Variants in TSPEAR observed in about 807,000 individuals in gnomAD.
TSPEAR encodes the protein thrombospondin type laminin G domain and EAR repeats.
A neutral mutation model predicts 71.6 loss-of-function variants in TSPEAR; 69 were observed. That is an observed-to-expected ratio of 0.96 (90% confidence interval 0.79 to 1.18). The LOEUF (loss-of-function observed/expected upper bound fraction) is 1.18. TSPEAR is among the 50% of genes most tolerant of loss of function. The pLI is 0.00. For synonymous variants in TSPEAR, 402 were observed against 387.2 expected (o/e 1.04, Z -0.45); for missense variants, 971 against 894.9 (o/e 1.09, Z -1.09).
Position 44,705,556 on chromosome 21 carries a change from G to A in TSPEAR, c.82+5877C>T, listed in dbSNP as rs376982110. ...GAAAGAGAATGGGCACCTAGGGGTA[G>A]GTCTCTGAACTGGCCCCCCCGGGGC... On this transcript the variant is annotated intron_variant, in intron 1 of 11. Coordinates refer to ENST00000323084, the MANE Select transcript of TSPEAR (RefSeq NM_144991.3). 7.2e-5 allele frequency among the ~76,000 whole-genome samples: 11 copies of A among 152,330 alleles called. No individual in the cohort carries two copies. The South Asian group carries it at 8.3e-4, about 11-fold the overall frequency.
At chr21:44,662,887 A>G (rs781792579) in intron 1 of TSPEAR, among the ~76,000 whole-genome samples, 1 of 152,220 alleles carries the variant, frequency 6.6e-6, no homozygotes, top group Non-Finnish European at 1.5e-5. Context: ...AAGAATCACA[A>G]GAGAATTTAG....
At chr21:44,555,945 T>A (rs2053520795) in intron 2 of TSPEAR, among the ~76,000 whole-genome samples, 1 of 152,166 alleles carries the variant, frequency 6.6e-6, no homozygotes, top group Non-Finnish European at 1.5e-5. Context: ...AGACATGCCA[T>A]CGAAACTGCA....
intron 1 of TSPEAR, among the ~76,000 whole-genome samples, chr21:44,582,313 C>T (rs1336969601): frequency 6.6e-6 from 1 of 152,224 alleles, no homozygotes; most frequent in Non-Finnish European, 1.5e-5. Context: ...ACCGCGAGCT[C>T]TCACTCCTTT....
Position 44,628,003 on chromosome 21 carries a change from C to T in TSPEAR, c.83-59998G>A, listed in dbSNP as rs113691502. ...CCTTCTCTGCCGCCCTGTGTGCTCC[C>T]GCCCGGCCTGCTACAGCTTCTCCTC... On this transcript the variant is annotated intron_variant, in intron 1 of 11. Coordinates refer to ENST00000323084, the MANE Select transcript of TSPEAR (RefSeq NM_144991.3). The T allele has an allele frequency of 1.7e-3, 2,683 of 1,611,034 alleles. 4 individuals are homozygous for T. The highest frequency in any genetic ancestry group is 1.8e-3 in the Admixed American group (105 of 59,814).
chr21:44,589,022 T>A (rs1167554513), intron 1 of TSPEAR, among the ~76,000 whole-genome samples: 8 of 151,974 alleles, frequency 5.3e-5, no homozygotes, highest in Non-Finnish European at 8.8e-5. Context: ...AAGGGGGTGA[T>A]GGATAAAAAA....
At chr21:44,512,169 G>A (rs1555912797) in intron 9 of TSPEAR, among the ~76,000 whole-genome samples, 2 of 152,226 alleles carry the variant, frequency 1.3e-5, no homozygotes, top group South Asian at 2.1e-4. Context: ...GGGCTGGGGC[G>A]GGCCTACAGG....
intron 1 of TSPEAR, among the ~76,000 whole-genome samples, chr21:44,671,404 G>A (rs1303477393): frequency 1.3e-5 from 2 of 152,164 alleles, no homozygotes; most frequent in African/African-American, 4.8e-5. Context: ...AGCCTGCCTG[G>A]ACATGGTAAC....
chr21:44,701,875 C>T (rs1555951580), intron 1 of TSPEAR, among the ~76,000 whole-genome samples: 1 of 152,162 alleles, frequency 6.6e-6, no homozygotes, highest in Non-Finnish European at 1.5e-5. Context: ...AACGTGTCCC[C>T]CCTGAGCAGC....
chr21:44,561,305 G>A lies in TSPEAR; in HGVS notation c.303+6480C>T, dbSNP rs140184776. 2.6e-5 allele frequency among the ~76,000 whole-genome samples: 4 copies of A among 152,268 alleles called. No individual in the cohort carries two copies. In the East Asian group the frequency reaches 7.7e-4, roughly 29 times the overall value. ...CAGGAAGAAGTTGAATCCCTGAATAGATTATAGCAAGTTCTGAAATTGAGG... is the reference window on the plus strand; with the variant it reads ...CAGGAAGAAGTTGAATCCCTGAATAAATTATAGCAAGTTCTGAAATTGAGG... On this transcript the variant is annotated intron_variant, in intron 2 of 11. Transcript: ENST00000323084.
At chr21:44,697,070 C>G in intron 1 of TSPEAR, 1 of 1,346,696 alleles carries the variant, frequency 7.4e-7, no homozygotes, top group Non-Finnish European at 1.0e-6. Context: ...CCCAGACGCT[C>G]ACTCACTCCC....
intron 2 of TSPEAR, among the ~76,000 whole-genome samples, chr21:44,541,271 T>A (rs1555917215): frequency 6.6e-6 from 1 of 152,224 alleles, no homozygotes; most frequent in Non-Finnish European, 1.5e-5. Context: ...AATAAACTTT[T>A]TTGGAGAAAT....
At chr21:44,613,275 C>T (rs1555931728) in intron 1 of TSPEAR, among the ~76,000 whole-genome samples, 4 of 152,220 alleles carry the variant, frequency 2.6e-5, no homozygotes, top group Non-Finnish European at 4.4e-5. Flanking sequence ...CAGCCATGAC[C>T]GTTTCTAGGA....
In TSPEAR at chr21:44,698,679, C is replaced by T. The variant is rs147380968; in HGVS notation, c.82+12754G>A. On this transcript the variant is annotated intron_variant, in intron 1 of 11. Transcript: ENST00000323084. ...AGGATGGCTCGCTCCACCTGCAGCC[C>T]AGCCCCTCAGTCCTCACAGGGAGAT... 9.2e-3 allele frequency among the ~76,000 whole-genome samples: 1,403 copies of T among 152,336 alleles called. 25 individuals carry two copies. Among genetic ancestry groups the T allele is most frequent in the African/African-American group, 0.032 (1,324 of 41,570 alleles).
intron 1 of TSPEAR, among the ~76,000 whole-genome samples, chr21:44,633,126 T>G (rs1286740957): frequency 6.6e-6 from 1 of 152,206 alleles, no homozygotes; most frequent in Admixed American, 6.5e-5. Context: ...TTTTTCTCAG[T>G]CTAGTTAAAG....
rs781846804 is a variant in TSPEAR at position 44,697,368 on chromosome 21, G to C, written c.82+14065C>G. On this transcript the variant is annotated intron_variant, in intron 1 of 11. Coordinates refer to ENST00000323084, the MANE Select transcript of TSPEAR (RefSeq NM_144991.3). The stretch of plus-strand genomic sequence containing the variant: ...CTGAGCCTGGTCTGCACCCCAGTGA[G>C]CCGTGTATCCAGCCCCTGCTGCCGA... 6.2e-6 allele frequency: 10 copies of C among 1,613,348 alleles called. No homozygotes were observed. In the South Asian group the frequency reaches 7.7e-5, roughly 12 times the overall value.
Position 44,523,825 on chromosome 21 carries a change from C to G in TSPEAR, c.1337-1713G>C, listed in dbSNP as rs587619149. 4.7e-5 allele frequency among the ~76,000 whole-genome samples: 7 copies of G among 150,422 alleles called. No homozygotes were observed. In the East Asian group the frequency reaches 1.4e-3, roughly 30 times the overall value. The stretch of plus-strand genomic sequence containing the variant: ...TCAGTCAGTCAGTCAGTCAGTTAGT[C>G]AGGTAATTAGGTAGTCAGCCAGTCA... On this transcript the variant is annotated intron_variant, in intron 8 of 11. Coordinates refer to ENST00000323084, the MANE Select transcript of TSPEAR (RefSeq NM_144991.3).
At chr21:44,631,442 C>T (rs1432908415) in intron 1 of TSPEAR, among the ~76,000 whole-genome samples, 2 of 152,104 alleles carry the variant, frequency 1.3e-5, no homozygotes, top group Non-Finnish European at 2.9e-5. Context: ...AGAGGCCGAG[C>T]GTGATGGCTC....
intron 2 of TSPEAR, chr21:44,558,850 C>CTA (rs2053593049): frequency 1.7e-6 from 2 of 1,211,902 alleles, no homozygotes; most frequent in African/African-American, 3.1e-5. Context: ...GATTGTGCTG[C>CTA]CCCTGCCTGG....
Position 44,525,576 on chromosome 21 carries a change from C to G in TSPEAR, c.1336+77G>C, listed in dbSNP as rs73379217. The G allele has an allele frequency of 1.8e-3, 2,528 of 1,422,286 alleles. 33 individuals carry two copies. In the African/African-American group the frequency reaches 0.027, roughly 15 times the overall value. 88.1% of individuals were successfully genotyped at this position (1,422,286 alleles called of 1,614,324 possible). The stretch of plus-strand genomic sequence containing the variant: ...TGGCTTATTGTTTTCTAATAAGATA[C>G]ACATTCGCCCTGCCTGCAAGTCTCG... On this transcript the variant is annotated intron_variant, in intron 8 of 11. Coordinates refer to ENST00000323084, the MANE Select transcript of TSPEAR (RefSeq NM_144991.3).
Sources: gnomAD v4.1 joint callset for allele counts (sites outside exome capture counted in the v4.1 genomes callset) on GRCh38, gnomAD v4.1.1 for gene constraint, MANE v1.5 for transcripts, NCBI Gene and HGNC (gene_info 2026-07-23, HGNC 2026-07-21) for gene names.